The following ACTN1 variants were observed in gnomAD, a reference collection of about 807,000 sequenced individuals.
ACTN1 encodes actinin alpha 1, also known as alpha-actinin-1.
A neutral mutation model predicts 119.6 loss-of-function variants in ACTN1; 30 were observed. The observed-to-expected ratio is 0.25, with a 90% CI of 0.19 to 0.34. The LOEUF is 0.34. Ranked by LOEUF, ACTN1 falls within the 10% of genes least tolerant of loss-of-function variation. The probability of loss-of-function intolerance (pLI) is 1.00; values close to 1 mark genes in which losing one functional copy is unlikely to be tolerated. For synonymous variants in ACTN1, 429 were observed against 472.6 expected, an observed-to-expected ratio of 0.91 and a Z score of 1.20; for missense variants, 764 against 1,223.4, an observed-to-expected ratio of 0.62 and a Z score of 5.60.
intron 9 of ACTN1, 47 bp from the exon 10 acceptor site, chr14:68,892,330 G>T: frequency 6.4e-7 from 1 of 1,569,698 alleles, no homozygotes. Context: ...GGCGGGGAGG[G>T]AGTGTGCTAG....
At chr14:68,978,317 C>G in intron 1 of ACTN1, 1 of 410,066 alleles carries the variant, frequency 2.4e-6, no homozygotes, top group South Asian at 1.7e-5. Context: ...GCTGTCCTGA[C>G]CCCGCCCCCA....
chr14:68,961,969 G>A (rs1594876656), intron 1 of ACTN1, among the ~76,000 whole-genome samples: 1 of 152,224 alleles, frequency 6.6e-6, no homozygotes, highest in East Asian at 1.9e-4. Context: ...CTGAAAGCTT[G>A]CCCTCGGCAC....
chr14:68,875,159 C>A lies in ACTN1; in HGVS notation c.2587-142G>T. On this transcript the variant is annotated intron_variant, in intron 21 of 21. Coordinates refer to ENST00000394419, the MANE Select transcript of ACTN1 (RefSeq NM_001130004.2). The stretch of plus-strand genomic sequence containing the variant: ...CTCCCTCCTGTAACTACAGGATGTA[C>A]GGACGTAAATATCCACACATGTACA... 3 of 1,528,110 alleles carry A rather than the reference C, an allele frequency of 2.0e-6. No homozygotes were observed. The South Asian group carries it at 3.6e-5, about 18-fold the overall frequency. 94.7% of individuals were successfully genotyped at this position (1,528,110 alleles called of 1,614,324 possible).
intron 8 of ACTN1, among the ~76,000 whole-genome samples, chr14:68,898,913 A>T (rs114076593): frequency 0.022 from 3,368 of 151,000 alleles, 103 homozygotes; most frequent in African/African-American, 0.078. Flanking sequence ...CACACACCCC[A>T]CACACCCCTC....
chr14:68,907,254 T>G (rs1303818264), intron 6 of ACTN1, among the ~76,000 whole-genome samples: 24 of 60,676 alleles, frequency 4.0e-4, no homozygotes, highest in African/African-American at 1.7e-3. Flanking sequence ...ACAGCAAGAC[T>G]CTCTTAAAAA....
intron 1 of ACTN1, chr14:68,978,040 C>T (rs1390214788): frequency 2.2e-6 from 1 of 456,192 alleles, no homozygotes; most frequent in South Asian, 1.5e-5. Flanking sequence ...GGCCACTGTG[C>T]CCGGGTCCCA....
chr14:68,889,885 CT>C (rs1472575709), intron 11 of ACTN1, among the ~76,000 whole-genome samples: 1 of 152,224 alleles, frequency 6.6e-6, no homozygotes, highest in Non-Finnish European at 1.5e-5. Context: ...TGCAGGAACT[CT>C]CCTCAGAACT....
chr14:68,878,720 G>A lies in ACTN1; in HGVS notation c.2362-197C>T. 7 of 1,536,978 alleles carry A rather than the reference G, an allele frequency of 4.6e-6. No individual in the cohort carries two copies. Among genetic ancestry groups the A allele is most frequent in the Non-Finnish European group, 6.1e-6 (7 of 1,147,218 alleles). ...TGGAAATGTCCAAAGACAGGAGGAA[G>A]ACAGAGCAGGGAGATGCAAAAATCC... On this transcript the variant is annotated intron_variant, in intron 19 of 21. Transcript: ENST00000394419. This position sits in a 1 kb window ranked among gnomAD's most constrained non-coding sequence, Gnocchi z 4.4.
chr14:68,914,880 T>C (rs2034201346), intron 3 of ACTN1, among the ~76,000 whole-genome samples: 1 of 152,196 alleles, frequency 6.6e-6, no homozygotes, highest in Non-Finnish European at 1.5e-5. Flanking sequence ...TAAAAAACAA[T>C]AATAATAATT....
intron 12 of ACTN1, 79 bp from the exon 13 acceptor site, chr14:68,884,962 TGG>T (rs1305813954): frequency 3.2e-6 from 4 of 1,246,316 alleles, no homozygotes; most frequent in Non-Finnish European, 4.7e-6. Context: ...AGGCTGTCAG[TGG>T]GGTGGCTGGT....
Position 68,901,233 on chromosome 14 carries a change from GTTTTGTTTTT to G in ACTN1, c.762+1234_762+1243del, listed in dbSNP as rs796756426. Among the ~76,000 whole-genome samples the G allele has an allele frequency of 8.8e-3, 1,136 of 129,242 alleles. 17 individuals are homozygous for G. Among genetic ancestry groups the G allele is most frequent in the African/African-American group, 0.031 (1,078 of 34,602 alleles). The allele number at this position is 129,242 out of a possible 152,430, so 84.8% of individuals were successfully genotyped here. ...TTTTTTTTTGTTTTTTTTTTGTTTT[GTTTTGTTTTT>G]GTTTTGTTTTTTTTTTTTTTTTGAG... On this transcript the variant is annotated intron_variant, in intron 8 of 21. Transcript: ENST00000394419.
At chr14:68,935,276 T>C (rs932009283) in intron 1 of ACTN1, among the ~76,000 whole-genome samples, 1 of 151,920 alleles carries the variant, frequency 6.6e-6, no homozygotes. Flanking sequence ...CACCTGCCTC[T>C]GCCTCCCAAA....
chr14:68,940,533 G>A (rs538547345), intron 1 of ACTN1, among the ~76,000 whole-genome samples: 22 of 152,064 alleles, frequency 1.4e-4, no homozygotes, highest in African/African-American at 5.3e-4. Context: ...CTAGACTTAC[G>A]GTAGGGGCTC....
chr14:68,975,383 G>A (rs2037026429), intron 1 of ACTN1, among the ~76,000 whole-genome samples: 1 of 152,204 alleles, frequency 6.6e-6, no homozygotes, highest in South Asian at 2.1e-4. Context: ...AACAGCAGAA[G>A]CTGCCATTTT....
At chr14:68,883,644 G>GA (rs2031752394) in intron 14 of ACTN1, among the ~76,000 whole-genome samples, 1 of 152,168 alleles carries the variant, frequency 6.6e-6, no homozygotes, top group Admixed American at 6.5e-5. Flanking sequence ...CAGGCATGGT[G>GA]ATGTGAGCCT....
At chr14:68,904,607 T>A (rs1197838728) in intron 7 of ACTN1, 48 bp downstream of exon 7, 2 of 1,566,224 alleles carry the variant, frequency 1.3e-6, no homozygotes, top group South Asian at 2.2e-5. Context: ...AGCCGCTGAG[T>A]GGCAGGTGGG....
In ACTN1 at chr14:68,882,663, G is replaced by A. The variant is rs1046234803; in HGVS notation, c.1819-71C>T. On this transcript the variant is annotated intron_variant, in intron 15 of 21. Transcript: ENST00000394419. This position sits in a 1 kb window ranked among gnomAD's most constrained non-coding sequence, Gnocchi z 4.5. ...TGTCCATGTGCCAGATGAGGAAATG[G>A]AGGACCCAGAAGGGGAAGGGCCGGT... is the stretch of plus-strand genomic sequence containing the variant. 4 of 1,598,370 alleles carry A rather than the reference G, an allele frequency of 2.5e-6. No homozygotes were observed. The African/African-American group carries it at 5.4e-5, about 21-fold the overall frequency.
intron 10 of ACTN1, among the ~76,000 whole-genome samples, chr14:68,891,851 A>AG (rs144912907): frequency 0.01 from 1,591 of 152,232 alleles, 30 homozygotes; most frequent in African/African-American, 0.037. Flanking sequence ...GTCTGGGCAG[A>AG]GGGGGCTGCC....
chr14:68,874,857 G>C lies in ACTN1; in HGVS notation c.*2C>G, dbSNP rs1289539005. 4 of 1,576,828 alleles carry C rather than the reference G, an allele frequency of 2.5e-6. No homozygotes were observed. The highest frequency in any genetic ancestry group is 3.5e-6 in the Non-Finnish European group (4 of 1,154,264). On this transcript the variant is annotated 3_prime_UTR_variant, in exon 22 of 22. Coordinates refer to ENST00000394419, the MANE Select transcript of ACTN1 (RefSeq NM_001130004.2). ...AAGACGAGGGCGGCCGGGCGGGGTG[G>C]ATTAGAGGTCACTCTCGCCGTACAG... is the stretch of plus-strand genomic sequence containing the variant.
Sources: gnomAD v4.1 joint callset for allele counts (sites outside exome capture counted in the v4.1 genomes callset) on GRCh38, gnomAD v4.1.1 for gene constraint, Gnocchi (gnomAD v3.1) non-coding constraint, MANE v1.5 for transcripts, NCBI Gene and HGNC (gene_info 2026-07-23, HGNC 2026-07-21) for gene names.